The following PSTPIP2 variants were observed in gnomAD, a reference collection of about 807,000 sequenced individuals.
The protein encoded by PSTPIP2 is proline-serine-threonine phosphatase interacting protein 2.
A neutral mutation model predicts 63.3 loss-of-function variants in PSTPIP2; 33 were observed. That is an observed-to-expected ratio of 0.52 (90% CI 0.40 to 0.70). The LOEUF is 0.70. Ranked by LOEUF, PSTPIP2 falls within the 30% of genes least tolerant of loss-of-function variation. The pLI is 0.00. For missense variants in PSTPIP2, 312 were observed against 400.7 expected (o/e 0.78, Z 1.89); for synonymous variants, 125 against 132.7 (o/e 0.94, Z 0.40).
Position 46,072,217 on chromosome 18 carries a change from G to C in PSTPIP2, c.-29C>G, listed in dbSNP as rs1388676586. ...AGCGCGAGTGGGGGCGCGGAGGAGA[G>C]CCGGGCCGCAGGTAGCACAGAGCGG... On this transcript the variant is annotated 5_prime_UTR_variant, in exon 1 of 15. Coordinates refer to ENST00000409746, the MANE Select transcript of PSTPIP2 (RefSeq NM_024430.4). The C allele has an allele frequency of 1.3e-6, 2 of 1,532,076 alleles. No individual in the cohort carries two copies. The highest frequency in any genetic ancestry group is 1.2e-5 in the South Asian group (1 of 81,632). 94.9% of individuals were successfully genotyped at this position (1,532,076 alleles called of 1,614,324 possible).
At chr18:46,024,801 C>T (rs1232590539) in intron 2 of PSTPIP2, 115 bp from the exon 3 acceptor site, 1 of 745,140 alleles carries the variant, frequency 1.3e-6, no homozygotes, top group South Asian at 1.6e-5. Flanking sequence ...AGCTCAGATA[C>T]AACACCATTC....
chr18:46,063,632 C>A (rs1487323848), intron 1 of PSTPIP2, among the ~76,000 whole-genome samples: 1 of 151,976 alleles, frequency 6.6e-6, no homozygotes, highest in Non-Finnish European at 1.5e-5. Flanking sequence ...CACACACACA[C>A]ACACACACGT....
At chr18:46,061,220 T>C (rs898579197) in intron 1 of PSTPIP2, among the ~76,000 whole-genome samples, 5 of 151,626 alleles carry the variant, frequency 3.3e-5, no homozygotes, top group African/African-American at 1.2e-4. Flanking sequence ...AGGAGAATCG[T>C]TTGAACCTGG....
chr18:46,044,545 C>G (rs888195985), intron 1 of PSTPIP2, among the ~76,000 whole-genome samples: 6 of 152,102 alleles, frequency 3.9e-5, no homozygotes, highest in Admixed American at 6.5e-5. Context: ...GACCTAAAAC[C>G]ATAAAAACCC....
At chr18:46,036,239 T>C (rs1907975447) in intron 2 of PSTPIP2, among the ~76,000 whole-genome samples, 1 of 151,406 alleles carries the variant, frequency 6.6e-6, no homozygotes, top group Admixed American at 6.6e-5. Context: ...GTAGTAGTTA[T>C]AAACAATTAT....
At chr18:46,012,576 C>T (rs910976428) in intron 4 of PSTPIP2, among the ~76,000 whole-genome samples, 1 of 152,104 alleles carries the variant, frequency 6.6e-6, no homozygotes, top group East Asian at 1.9e-4. Flanking sequence ...TGATTGAGAC[C>T]ATTCTGGCAA....
intron 2 of PSTPIP2, among the ~76,000 whole-genome samples, chr18:46,037,223 G>A (rs1381435725): frequency 6.6e-6 from 1 of 152,128 alleles, no homozygotes; most frequent in African/African-American, 2.4e-5. Context: ...CGAGATCTCA[G>A]CTCACTGCAA....
At chr18:46,032,474 C>T (rs996495794) in intron 2 of PSTPIP2, among the ~76,000 whole-genome samples, 2 of 152,104 alleles carry the variant, frequency 1.3e-5, no homozygotes, top group African/African-American at 2.4e-5. Flanking sequence ...CCATGACAGG[C>T]TGGGTGCCGT....
At chr18:46,018,357 A>G (rs2051873226) in intron 3 of PSTPIP2, among the ~76,000 whole-genome samples, 1 of 152,122 alleles carries the variant, frequency 6.6e-6, no homozygotes, top group Non-Finnish European at 1.5e-5. Flanking sequence ...AACCACTCCC[A>G]ACATTCATAA....
At chr18:45,999,593 C>T in intron 6 of PSTPIP2, 59 bp from the exon 7 acceptor site, 1 of 1,577,794 alleles carries the variant, frequency 6.3e-7, no homozygotes, top group Non-Finnish European at 8.7e-7. Flanking sequence ...CCATGAAATG[C>T]AGCCCCCTTG....
At chr18:46,062,741 T>C (rs1201472093) in intron 1 of PSTPIP2, among the ~76,000 whole-genome samples, 1 of 151,966 alleles carries the variant, frequency 6.6e-6, no homozygotes, top group Non-Finnish European at 1.5e-5. Flanking sequence ...GGTCTCAATC[T>C]CCTGACCTCG....
chr18:45,991,163 G>A (rs7238164), intron 12 of PSTPIP2, among the ~76,000 whole-genome samples: 9,569 of 152,152 alleles, frequency 0.063, 965 homozygotes, highest in African/African-American at 0.22. Context: ...TGCCTGACAC[G>A]CTTAAATACT....
chr18:46,018,924 C>T (rs551623176), intron 3 of PSTPIP2, among the ~76,000 whole-genome samples: 1 of 152,176 alleles, frequency 6.6e-6, no homozygotes, highest in South Asian at 2.1e-4. Flanking sequence ...GGAGGGCTTT[C>T]CCAATATCTA....
At chr18:46,051,723 T>C (rs1482974777) in intron 1 of PSTPIP2, among the ~76,000 whole-genome samples, 2 of 152,160 alleles carry the variant, frequency 1.3e-5, no homozygotes, top group South Asian at 2.1e-4. Context: ...CACAATTCCA[T>C]TGAAAGAGAA....
chr18:46,069,508 A>G (rs1333040320), intron 1 of PSTPIP2, among the ~76,000 whole-genome samples: 2 of 152,226 alleles, frequency 1.3e-5, no homozygotes, highest in African/African-American at 4.8e-5. Flanking sequence ...AATGATTTTT[A>G]GAGACAGGGT....
At chr18:46,052,056 C>T (rs1005690757) in intron 1 of PSTPIP2, among the ~76,000 whole-genome samples, 4 of 152,182 alleles carry the variant, frequency 2.6e-5, no homozygotes, top group Non-Finnish European at 4.4e-5. Context: ...GTGGCTATAC[C>T]CAAAACTGGA....
intron 1 of PSTPIP2, chr18:46,040,938 A>C (rs914953284): frequency 6.6e-6 from 3 of 452,010 alleles, no homozygotes; most frequent in African/African-American, 2.0e-5. Flanking sequence ...GCCTTCTGTC[A>C]TGTGCTTCCT....
At chr18:46,008,554 C>T (rs548032486) in intron 5 of PSTPIP2, among the ~76,000 whole-genome samples, 10 of 152,192 alleles carry the variant, frequency 6.6e-5, no homozygotes, top group South Asian at 2.1e-4. Flanking sequence ...TCAGGTGATG[C>T]GCCCACCTCG....
At position 46,006,398 on chromosome 18, in the gene PSTPIP2, G is replaced by GT. The variant is rs559244585; in HGVS notation, c.355-868dup. Among the ~76,000 whole-genome samples the GT allele has an allele frequency of 2.0e-3, 244 of 121,888 alleles. 2 individuals are homozygous for GT. The highest frequency in any genetic ancestry group is 0.012 in the Middle Eastern group (2 of 172). The allele number at this position is 121,888 out of a possible 152,430, so 80.0% of individuals were successfully genotyped here. A position where few individuals can be genotyped will look rare whatever the true frequency, so the allele number is the denominator to read the frequency against. ...TTTTTTTTTTTTTTTCTGAGACAGAGTTTGCTCTTAATGCCCAGGCTAGAG... is the reference window on the plus strand; with the variant it reads ...TTTTTTTTTTTTTTTCTGAGACAGAGTTTTGCTCTTAATGCCCAGGCTAGAG... On this transcript the variant is annotated intron_variant, in intron 5 of 14. Transcript: ENST00000409746.
Sources: gnomAD v4.1 joint callset for allele counts (sites outside exome capture counted in the v4.1 genomes callset) on GRCh38, gnomAD v4.1.1 for gene constraint, MANE v1.5 for transcripts, NCBI Gene and HGNC (gene_info 2026-07-23, HGNC 2026-07-21) for gene names.